The following POLQ variants were observed in gnomAD, a reference collection of about 807,000 sequenced individuals.
The protein encoded by POLQ is epididymis secretory sperm binding protein.
Under a neutral mutation model 259.2 loss-of-function variants are expected in POLQ, and 233 were observed. That is an observed-to-expected ratio of 0.90 (90% CI 0.81 to 1.00). The LOEUF is 1.00. Among genes scored for constraint, POLQ ranks in the 50% least tolerant of loss-of-function variants. POLQ has a pLI of 0.00. For synonymous variants in POLQ, 1,025 were observed against 1,048.8 expected (o/e 0.98, Z 0.44); for missense variants, 2,871 against 3,051.6 (o/e 0.94, Z 1.39).
intron 24 of POLQ, among the ~76,000 whole-genome samples, chr3:121,465,949 T>C (rs2047831975): frequency 1.3e-5 from 2 of 152,204 alleles, no homozygotes; most frequent in Admixed American, 6.5e-5. Context: ...ATTAAGCTTA[T>C]GAGGAAGGCA....
intron 19 of POLQ, 119 bp from the exon 20 acceptor site, chr3:121,476,852 T>A (rs1481619052): frequency 1.5e-6 from 1 of 686,106 alleles, no homozygotes; most frequent in African/African-American, 1.8e-5. Context: ...AAGGTATCCT[T>A]CAGGAGCCAG....
At chr3:121,514,432 A>T (rs2048280204) in intron 9 of POLQ, among the ~76,000 whole-genome samples, 1 of 152,018 alleles carries the variant, frequency 6.6e-6, no homozygotes, top group South Asian at 2.1e-4. Flanking sequence ...AAAACTACAT[A>T]AAAATTGCAA....
intron 26 of POLQ, among the ~76,000 whole-genome samples, chr3:121,444,508 T>C (rs2047617424): frequency 6.6e-6 from 1 of 152,158 alleles, no homozygotes; most frequent in Admixed American, 6.5e-5. Flanking sequence ...AGTCATTAGG[T>C]TTTTCCATAT....
intron 10 of POLQ, 85 bp downstream of exon 10, chr3:121,511,802 A>G (rs750402991): frequency 3.5e-5 from 38 of 1,077,106 alleles, no homozygotes; most frequent in Admixed American, 7.2e-5. Context: ...AAAAATAAAT[A>G]AATAAAGCTA....
At chr3:121,545,503 C>T (rs1047548037) in intron 1 of POLQ, among the ~76,000 whole-genome samples, 11 of 152,314 alleles carry the variant, frequency 7.2e-5, no homozygotes, top group African/African-American at 2.6e-4. Flanking sequence ...GATCCAGAAG[C>T]CACGTGAACA....
rs148727424 is a variant in POLQ, at chr3:121,509,843, G to C, written c.1817-140C>G. 20 of 897,910 alleles carry C rather than the reference G, an allele frequency of 2.2e-5. 1 individual carries two copies. Among genetic ancestry groups the C allele is most frequent in the African/African-American group, 2.0e-4 (12 of 59,182 alleles). 55.6% of individuals were successfully genotyped at this position (897,910 alleles called of 1,614,324 possible). Reference sequence around the variant, plus strand: ...AGTACCTTATCCAGAGCATGAAAATGTATGAGCAGGCTCTATCATAATGGT... The same window carrying C: ...AGTACCTTATCCAGAGCATGAAAATCTATGAGCAGGCTCTATCATAATGGT... On this transcript the variant is annotated intron_variant, in intron 11 of 29. Transcript: ENST00000264233.
chr3:121,525,038 T>A (rs2048363184), intron 7 of POLQ, among the ~76,000 whole-genome samples: 1 of 151,854 alleles, frequency 6.6e-6, no homozygotes, highest in African/African-American at 2.4e-5. Context: ...CGCACACAAC[T>A]TGACTTCCCC....
In POLQ at chr3:121,483,480, T is replaced by C. The variant is rs1383326627; in HGVS notation, c.5876A>G (p.Glu1959Gly). The C allele has an allele frequency of 2.2e-5, 36 of 1,609,098 alleles. No individual in the cohort carries two copies. The highest frequency in any genetic ancestry group is 2.9e-5 in the Non-Finnish European group (34 of 1,178,198). The change falls in exon 18 of 30, where the codon GAA (glutamate) becomes GGA (glycine). Residue 1959 changes from glutamate to glycine, a missense_variant. Glu to Gly is a moderately conservative substitution (Grantham distance 98, BLOSUM62 -2). Coordinates refer to ENST00000264233, the MANE Select transcript of POLQ (RefSeq NM_199420.4). ...QSCLRKESDK[E>G]CSVVIYDFIQ... ...GAAGTCATAGATGACAACAGAACAT[T>C]CTTTATCAGATTCCTTTCGCAAGCA...
chr3:121,449,243 C>T (rs56229575), intron 26 of POLQ, 72 bp downstream of exon 26: 1 of 773,662 alleles, frequency 1.3e-6, no homozygotes, highest in African/African-American at 1.7e-5. Flanking sequence ...AAAGAAAATT[C>T]CATTACACAA....
intron 16 of POLQ, 63 bp from the exon 17 acceptor site, chr3:121,485,247 T>TA: frequency 8.9e-7 from 1 of 1,127,058 alleles, no homozygotes; most frequent in African/African-American, 1.6e-5. Context: ...CATAAATTGT[T>TA]AAAACAATTA....
intron 22 of POLQ, 44 bp from the exon 23 acceptor site, chr3:121,468,475 C>A (rs1235148569): frequency 2.8e-6 from 4 of 1,450,864 alleles, no homozygotes; most frequent in East Asian, 2.3e-5. Context: ...GAAAAAAAAT[C>A]TAGTATTTGT....
chr3:121,465,226 G>C (rs2047825797), intron 24 of POLQ, among the ~76,000 whole-genome samples: 1 of 151,760 alleles, frequency 6.6e-6, no homozygotes, highest in Non-Finnish European at 1.5e-5. Flanking sequence ...TGAGTAGCTG[G>C]GACTACAGGT....
intron 26 of POLQ, among the ~76,000 whole-genome samples, chr3:121,442,252 A>C (rs1241554617): frequency 2.0e-5 from 3 of 152,226 alleles, no homozygotes; most frequent in Non-Finnish European, 4.4e-5. Context: ...CACATGAGGG[A>C]AAATGGGGTA....
intron 7 of POLQ, among the ~76,000 whole-genome samples, chr3:121,522,386 A>AGTG (rs199664430): frequency 7.1e-6 from 1 of 140,028 alleles, no homozygotes; most frequent in Non-Finnish European, 1.5e-5. Flanking sequence ...ATCTCGGCTC[A>AGTG]CTGCAAGCTC....
chr3:121,469,874 ATAAG>A (rs1488829764), intron 22 of POLQ, among the ~76,000 whole-genome samples: 1 of 152,238 alleles, frequency 6.6e-6, no homozygotes, highest in African/African-American at 2.4e-5. Flanking sequence ...AAAATCACTA[ATAAG>A]TAAAATCAGT....
chr3:121,436,519 T>G (rs1041352312), intron 27 of POLQ, among the ~76,000 whole-genome samples: 2 of 152,208 alleles, frequency 1.3e-5, no homozygotes, highest in Non-Finnish European at 2.9e-5. Flanking sequence ...TCAGCTTAGA[T>G]ATCTTGACTA....
intron 1 of POLQ, among the ~76,000 whole-genome samples, chr3:121,545,506 C>T (rs2048526066): frequency 1.3e-5 from 2 of 152,166 alleles, no homozygotes; most frequent in Admixed American, 1.3e-4. Context: ...CCAGAAGCCA[C>T]GTGAACATTA....
intron 6 of POLQ, among the ~76,000 whole-genome samples, chr3:121,530,738 G>A (rs1049346269): frequency 6.6e-6 from 1 of 152,100 alleles, no homozygotes; most frequent in African/African-American, 2.4e-5. Context: ...TTAAAAACTG[G>A]ATTAATGCAT....
At position 121,449,365 on chromosome 3, in the gene POLQ, T is replaced by G; in HGVS notation, c.7214A>C (p.Lys2405Thr). ...AATATAGCATGCAGCATCATTTTCT[T>G]TAATGCCCATCTGCTCTCCCAAAGA... ...AKSLGEQMGIKENDAACYIDS... is the reference protein window; with the variant it reads ...AKSLGEQMGITENDAACYIDS... The change falls in exon 26 of 30, where the codon AAA (lysine) becomes ACA (threonine). Residue 2405 changes from lysine (K) to threonine (T), a missense_variant. Lys to Thr is a moderately conservative substitution (Grantham distance 78). Around this residue, in one of 3 missense-constraint regions of POLQ, gnomAD observed 2,080 missense variants for 2,126.0 expected, o/e 0.98. Transcript: ENST00000264233. 1 of 1,608,148 alleles carries G rather than the reference T, an allele frequency of 6.2e-7. No homozygotes were observed. The highest frequency in any genetic ancestry group is 1.1e-5 in the South Asian group (1 of 90,960).
Sources: gnomAD v4.1 joint callset for allele counts (sites outside exome capture counted in the v4.1 genomes callset) on GRCh38, gnomAD v4.1.1 for gene constraint, gnomAD v4.1.1 regional missense constraint, MANE v1.5 for transcripts, NCBI Gene and HGNC (gene_info 2026-07-23, HGNC 2026-07-21) for gene names.